The following MAP1B variants were observed in gnomAD, a reference collection of about 807,000 sequenced individuals.
MAP1B encodes the protein microtubule associated protein 1B.
MAP1B carries 12 observed loss-of-function variants against 176.1 expected under a neutral mutation model. The observed-to-expected ratio is 0.07, with a 90% CI of 0.04 to 0.11. The LOEUF (loss-of-function observed/expected upper bound fraction) is 0.11. MAP1B is among the 10% of genes least tolerant of loss of function. The pLI, the probability that MAP1B is intolerant of heterozygous loss-of-function variation, is 1.00. For synonymous variants in MAP1B, 1,044 were observed against 1,135.0 expected, an observed-to-expected ratio of 0.92 and a Z score of 1.61; for missense variants, 2,523 against 2,990.5, an observed-to-expected ratio of 0.84 and a Z score of 3.65.
intron 2 of MAP1B, among the ~76,000 whole-genome samples, chr5:72,124,038 A>G (rs1479104248): frequency 6.6e-6 from 1 of 152,176 alleles, no homozygotes. Flanking sequence ...GGAGAGTATA[A>G]TAAGCATTGC....
At position 72,197,641 on chromosome 5, in the gene MAP1B, T is replaced by G. The variant is rs746982918; in HGVS notation, c.4286T>G (p.Phe1429Cys). ...TCTGGCAGAGGTGCCGAAAGTCCTT[T>G]TGAAGAAAAGAGTGGAAAACAAGGC... ...KASGRGAESPFEEKSGKQGSP... is the reference protein window; with the variant it reads ...KASGRGAESPCEEKSGKQGSP... Residue 1429 changes from phenylalanine (F) to cysteine (C), a missense_variant, in exon 5 of 7, where the codon TTT becomes TGT. Around this residue, in one of 4 missense-constraint regions of MAP1B, gnomAD observed 1,925 missense variants for 2,126.0 expected, o/e 0.91. Transcript: ENST00000296755. The G allele has an allele frequency of 4.3e-6, 7 of 1,614,066 alleles. No individual in the cohort carries two copies. Among genetic ancestry groups the G allele is most frequent in the Non-Finnish European group, 5.9e-6 (7 of 1,180,046 alleles).
chr5:72,116,244 A>G (rs890990846), intron 2 of MAP1B, among the ~76,000 whole-genome samples: 1 of 152,216 alleles, frequency 6.6e-6, no homozygotes, highest in Non-Finnish European at 1.5e-5. Context: ...TGCTCCTAGG[A>G]TCCCAGAACT....
chr5:72,179,619 GGCTT>G, intron 2 of MAP1B: 2 of 985,498 alleles, frequency 2.0e-6, no homozygotes, highest in Non-Finnish European at 2.4e-6. Flanking sequence ...CCCTCTGCCA[GGCTT>G]GGCCAGATGC....
In MAP1B at chr5:72,199,426, C is replaced by T. The variant is rs1747271041; in HGVS notation, c.6071C>T (p.Ser2024Phe). 1.2e-6 allele frequency: 2 copies of T among 1,614,020 alleles called. No homozygotes were observed. The highest frequency in any genetic ancestry group is 1.7e-5 in the Admixed American group (1 of 60,000). ...ITSFPESEGY[S>F]YETSTKTTRT... ...AGTTTCCCTGAGTCTGAAGGTTATT[C>T]CTATGAGACATCTACAAAGACAACA... Residue 2024 changes from serine (S) to phenylalanine (F), a missense_variant, in exon 5 of 7, where the codon TCC becomes TTC. Around this residue, in one of 4 missense-constraint regions of MAP1B, gnomAD observed 1,925 missense variants for 2,126.0 expected, o/e 0.91. Coordinates refer to ENST00000296755, the MANE Select transcript of MAP1B (RefSeq NM_005909.5). The surrounding 1 kb of genome is among the most constrained non-coding windows in gnomAD (Gnocchi z 4.2).
intron 2 of MAP1B, among the ~76,000 whole-genome samples, chr5:72,132,794 A>AT (rs1452177782): frequency 6.6e-6 from 1 of 152,004 alleles, no homozygotes; most frequent in Non-Finnish European, 1.5e-5. Flanking sequence ...TTAGAGATAT[A>AT]TTTTTTCCAC....
chr5:72,177,215 T>TAA (rs1171620072), intron 2 of MAP1B, among the ~76,000 whole-genome samples: 1 of 152,146 alleles, frequency 6.6e-6, no homozygotes, highest in African/African-American at 2.4e-5. Flanking sequence ...TTAGGCTGGG[T>TAA]TGCCTCGATC....
rs535172210 is a variant in MAP1B at position 72,194,926 on chromosome 5, A to C, written c.1571A>C (p.Gln524Pro). The change falls in exon 5 of 7, where the codon CAG (glutamine) becomes CCG (proline). Residue 524 changes from glutamine to proline, a missense_variant. By Grantham distance (76) the Gln-to-Pro change is moderately conservative. Coordinates refer to ENST00000296755, the MANE Select transcript of MAP1B (RefSeq NM_005909.5). This position sits in a 1 kb window ranked among gnomAD's most constrained non-coding sequence, Gnocchi z 7.2. ...GCCACCCAAAAGGATCTCACTGGCC[A>C]GGTGCCCACTCCTGTGGTGAAACAA... ...PLATQKDLTGQVPTPVVKQTK... is the reference protein window; with the variant it reads ...PLATQKDLTGPVPTPVVKQTK... The C allele has an allele frequency of 2.5e-6, 4 of 1,614,208 alleles. No individual in the cohort carries two copies. Among genetic ancestry groups the C allele is most frequent in the Non-Finnish European group, 3.4e-6 (4 of 1,180,028 alleles).
intron 2 of MAP1B, 128 bp downstream of exon 2, chr5:72,115,927 A>C (rs1353041317): frequency 1.5e-6 from 1 of 651,386 alleles, no homozygotes; most frequent in African/African-American, 1.8e-5. Flanking sequence ...TGTTATTATC[A>C]ACTAGGTTAG....
intron 2 of MAP1B, among the ~76,000 whole-genome samples, chr5:72,133,689 T>C (rs1745779404): frequency 6.6e-6 from 1 of 152,224 alleles, no homozygotes; most frequent in Admixed American, 6.5e-5. Flanking sequence ...ACAATGCTTT[T>C]ACAAAATACA....
intron 2 of MAP1B, among the ~76,000 whole-genome samples, chr5:72,154,730 C>T (rs1422308362): frequency 2.6e-5 from 4 of 152,220 alleles, no homozygotes; most frequent in East Asian, 1.9e-4. Context: ...TTGCTGGGGC[C>T]TCTTTCCCCA....
intron 1 of MAP1B, among the ~76,000 whole-genome samples, chr5:72,109,349 C>G (rs911252269): frequency 2.6e-5 from 4 of 151,958 alleles, no homozygotes; most frequent in African/African-American, 9.7e-5. Context: ...TCTCAATAAC[C>G]CTTCATTTTC....
chr5:72,183,808 G>GAAGCAGTCAGCACCGAGGT lies in MAP1B; in HGVS notation c.358_369+7dup. 6.2e-7 allele frequency: 1 copy of GAAGCAGTCAGCACCGAGGT among 1,614,124 alleles called. No homozygotes were observed. The highest frequency in any genetic ancestry group is 8.5e-7 in the Non-Finnish European group (1 of 1,179,968). On this transcript the variant is annotated frameshift_variant, in exon 3 of 7. Transcript: ENST00000296755. LOFTEE classifies it high-confidence loss of function. ...AGTGGTCCTGATCAACCCTTCTGAT[G>GAAGCAGTCAGCACCGAGGT]AAGCAGTCAGCACCGAGGTAAGCAT... is the stretch of plus-strand genomic sequence containing the variant.
Position 72,199,693 on chromosome 5 carries a change from A to G in MAP1B, c.6338A>G (p.Glu2113Gly), listed in dbSNP as rs1747282071. ...NPNPLEWFAS[E>G]EPTEESEKPL... ...AATCCTCTTGAGTGGTTTGCCAGTG[A>G]AGAACCCACTGAAGAATCTGAAAAG... Residue 2113 changes from glutamate to glycine, a missense_variant, in exon 5 of 7, where the codon GAA (glutamate) becomes GGA (glycine). Physicochemically the swap from Glu to Gly is moderately conservative, Grantham distance 98. Transcript: ENST00000296755. The surrounding 1 kb of genome is among the most constrained non-coding windows in gnomAD (Gnocchi z 4.2). 2 of 1,614,044 alleles carry G rather than the reference A, an allele frequency of 1.2e-6. No individual in the cohort carries two copies. Among genetic ancestry groups the G allele is most frequent in the African/African-American group, 1.3e-5 (1 of 74,894 alleles).
intron 2 of MAP1B, among the ~76,000 whole-genome samples, chr5:72,146,928 G>T (rs1217680361): frequency 6.6e-6 from 1 of 151,000 alleles, no homozygotes; most frequent in Non-Finnish European, 1.5e-5. Flanking sequence ...TGTCATTCAC[G>T]TCTGATGGAA....
At chr5:72,157,916 T>G (rs1463489635) in intron 2 of MAP1B, among the ~76,000 whole-genome samples, 1 of 152,020 alleles carries the variant, frequency 6.6e-6, no homozygotes, top group Non-Finnish European at 1.5e-5. Context: ...CTTGGCTCAC[T>G]GCAACCTCAG....
Position 72,194,916 on chromosome 5 carries a change from C to T in MAP1B, c.1561C>T (p.Leu521Phe). The T allele has an allele frequency of 6.2e-7, 1 of 1,614,188 alleles. No homozygotes were observed. Among genetic ancestry groups the T allele is most frequent in the East Asian group, 2.2e-5 (1 of 44,870 alleles). Reference sequence around the variant, plus strand: ...GCAGCCACTGGCCACCCAAAAGGATCTCACTGGCCAGGTGCCCACTCCTGT... The same window carrying T: ...GCAGCCACTGGCCACCCAAAAGGATTTCACTGGCCAGGTGCCCACTCCTGT... ...LKQPLATQKDLTGQVPTPVVK... is the reference protein window; with the variant it reads ...LKQPLATQKDFTGQVPTPVVK... Residue 521 changes from leucine to phenylalanine, a missense_variant, in exon 5 of 7, where the codon CTC (leucine) becomes TTC (phenylalanine). By Grantham distance (22) the Leu-to-Phe change is conservative. Transcript: ENST00000296755. This position sits in a 1 kb window ranked among gnomAD's most constrained non-coding sequence, Gnocchi z 7.2.
chr5:72,112,910 C>T (rs1289747437), intron 1 of MAP1B, among the ~76,000 whole-genome samples: 1 of 152,190 alleles, frequency 6.6e-6, no homozygotes, highest in South Asian at 2.1e-4. Flanking sequence ...ACCAGGATGA[C>T]TTGCTTCTGA....
chr5:72,134,780 A>C (rs778634687), intron 2 of MAP1B, among the ~76,000 whole-genome samples: 5 of 151,692 alleles, frequency 3.3e-5, no homozygotes, highest in Non-Finnish European at 7.4e-5. Flanking sequence ...CTGCTGCAGA[A>C]AATGTTCCTG....
At chr5:72,170,181 A>T (rs973113512) in intron 2 of MAP1B, among the ~76,000 whole-genome samples, 2 of 152,186 alleles carry the variant, frequency 1.3e-5, no homozygotes, top group African/African-American at 4.8e-5. Flanking sequence ...TGGCTCTTTA[A>T]GTTGAATGCT....
Sources: gnomAD v4.1 joint callset for allele counts (sites outside exome capture counted in the v4.1 genomes callset) on GRCh38, gnomAD v4.1.1 for gene constraint, gnomAD v4.1.1 regional missense constraint, Gnocchi (gnomAD v3.1) non-coding constraint, MANE v1.5 for transcripts, NCBI Gene and HGNC (gene_info 2026-07-23, HGNC 2026-07-21) for gene names.